DOK5: variants seen among roughly 807,000 people sequenced by gnomAD.
DOK5 encodes downstream of tyrosine kinase 5.
Under a neutral mutation model 43.3 loss-of-function variants are expected in DOK5, and 27 were observed. The ratio of observed to expected loss-of-function variants is 0.62; its 90% CI spans 0.46 to 0.86. The LOEUF (loss-of-function observed/expected upper bound fraction) is 0.86. DOK5 is among the 40% of genes least tolerant of loss of function. The pLI is 0.00. For synonymous variants in DOK5, 146 were observed against 140.1 expected (o/e 1.04, Z -0.30); for missense variants, 373 against 392.9 (o/e 0.95, Z 0.43).
rs572696729 is a variant in DOK5, at chr20:54,572,451, C to T, written c.175-16032C>T. The stretch of plus-strand genomic sequence containing the variant: ...TGCTGGGATTACAGGCGTGAGCCAC[C>T]GCATCCGGCCGCAACATTCTTATAT... On this transcript the variant is annotated intron_variant, in intron 2 of 7. Coordinates refer to ENST00000262593, the MANE Select transcript of DOK5 (RefSeq NM_018431.5). Among the ~76,000 whole-genome samples the T allele has an allele frequency of 7.9e-5, 12 of 152,166 alleles. No homozygotes were observed. In the East Asian group the frequency reaches 9.7e-4, roughly 12 times the overall value.
At chr20:54,632,120 C>T (rs561773703) in intron 6 of DOK5, among the ~76,000 whole-genome samples, 1 of 152,260 alleles carries the variant, frequency 6.6e-6, no homozygotes, top group South Asian at 2.1e-4. Context: ...CTGCAGGGGT[C>T]GTGGCTGAAT....
chr20:54,566,387 T>C (rs1034481553), intron 2 of DOK5, among the ~76,000 whole-genome samples: 2 of 151,978 alleles, frequency 1.3e-5, no homozygotes, highest in East Asian at 1.9e-4. Context: ...TTCAAGTTCA[T>C]GTTGAATGAA....
chr20:54,574,876 T>C (rs1439492085), intron 2 of DOK5, among the ~76,000 whole-genome samples: 2 of 152,184 alleles, frequency 1.3e-5, no homozygotes, highest in South Asian at 2.1e-4. Flanking sequence ...CTGGCTCTAA[T>C]GACAATTAGG....
Position 54,580,737 on chromosome 20 carries a change from G to A in DOK5, c.175-7746G>A, listed in dbSNP as rs188216087. Among the ~76,000 whole-genome samples, 156 of 152,024 alleles carry A rather than the reference G, an allele frequency of 1.0e-3. 3 individuals are homozygous for A. The highest frequency in any genetic ancestry group is 1.2e-3 in the East Asian group (6 of 5,182). On this transcript the variant is annotated intron_variant, in intron 2 of 7. Coordinates refer to ENST00000262593, the MANE Select transcript of DOK5 (RefSeq NM_018431.5). ...ATTTATTTTTACTTTTATTATTTTT[G>A]CTATTGAGTTATACGAATTTCTTAT...
At chr20:54,479,897 C>T (rs1191025942) in intron 1 of DOK5, among the ~76,000 whole-genome samples, 4 of 152,046 alleles carry the variant, frequency 2.6e-5, no homozygotes, top group African/African-American at 7.2e-5. Context: ...CCTCATCTCC[C>T]ACCCCTACAG....
intron 5 of DOK5, among the ~76,000 whole-genome samples, chr20:54,609,487 GT>G (rs1375236482): frequency 6.6e-6 from 1 of 151,196 alleles, no homozygotes; most frequent in Admixed American, 6.6e-5. Context: ...TCTTAGTGTA[GT>G]TTTATATATA....
chr20:54,647,377 C>T (rs998820431), intron 7 of DOK5, among the ~76,000 whole-genome samples: 1 of 151,850 alleles, frequency 6.6e-6, no homozygotes, highest in Non-Finnish European at 1.5e-5. Flanking sequence ...TGGTGGCGGG[C>T]GCCTGTAATT....
At chr20:54,623,600 G>A (rs569519542) in intron 6 of DOK5, among the ~76,000 whole-genome samples, 41 of 152,088 alleles carry the variant, frequency 2.7e-4, no homozygotes, top group Non-Finnish European at 4.7e-4. Context: ...ATTTTTCTGA[G>A]ATGGAGTGTC....
At chr20:54,503,166 G>A (rs931939012) in intron 1 of DOK5, among the ~76,000 whole-genome samples, 2 of 152,036 alleles carry the variant, frequency 1.3e-5, no homozygotes, top group African/African-American at 2.4e-5. Context: ...TGGAAAGCAG[G>A]CTAATTAATA....
intron 1 of DOK5, among the ~76,000 whole-genome samples, chr20:54,510,836 G>A (rs572128833): frequency 3.9e-5 from 6 of 152,084 alleles, no homozygotes; most frequent in East Asian, 1.9e-4. Flanking sequence ...TCACTCCTGC[G>A]CCTCTGGAGT....
chr20:54,617,865 C>A (rs574110986), intron 6 of DOK5, among the ~76,000 whole-genome samples: 1 of 152,352 alleles, frequency 6.6e-6, no homozygotes, highest in Non-Finnish European at 1.5e-5. Context: ...ATATGCCCAA[C>A]TCTTTAGTAA....
At chr20:54,486,688 T>C (rs1352667434) in intron 1 of DOK5, among the ~76,000 whole-genome samples, 1 of 152,174 alleles carries the variant, frequency 6.6e-6, no homozygotes, top group Non-Finnish European at 1.5e-5. Flanking sequence ...ATTGGCTCTG[T>C]AGCCTTAGGG....
At chr20:54,496,795 T>C (rs6091895) in intron 1 of DOK5, among the ~76,000 whole-genome samples, 5,722 of 127,780 alleles carry the variant, frequency 0.045, 348 homozygotes, top group African/African-American at 0.15. Context: ...AAGAAAAAAA[T>C]GAACCAGCAT....
intron 2 of DOK5, among the ~76,000 whole-genome samples, chr20:54,576,103 A>T (rs1251997340): frequency 3.9e-5 from 6 of 152,210 alleles, no homozygotes; most frequent in Admixed American, 2.0e-4. Flanking sequence ...AGAATAAAAG[A>T]GGACTGAAAA....
chr20:54,553,440 C>T (rs548170559), intron 1 of DOK5, among the ~76,000 whole-genome samples: 2 of 151,826 alleles, frequency 1.3e-5, no homozygotes, highest in South Asian at 2.1e-4. Flanking sequence ...TGTGATCCGC[C>T]GGCCTCGGCC....
At position 54,475,706 on chromosome 20, in the gene DOK5, G is replaced by T; in HGVS notation, c.-241G>T. ...CAGCTGACGCCGGCGCTCCAGCCTC[G>T]CCTCCCCGCGCCGCGCTCTGCGCTC... is the stretch of plus-strand genomic sequence containing the variant. On this transcript the variant is annotated 5_prime_UTR_variant, in exon 1 of 8. Coordinates refer to ENST00000262593, the MANE Select transcript of DOK5 (RefSeq NM_018431.5). The surrounding 1 kb of genome is among the most constrained non-coding windows in gnomAD (Gnocchi z 4.2). The T allele has an allele frequency of 3.5e-6, 2 of 568,448 alleles. No homozygotes were observed. The highest frequency in any genetic ancestry group is 3.1e-6 in the Non-Finnish European group (1 of 325,990). The allele number at this position is 568,448 out of a possible 1,614,324, so 35.2% of individuals were successfully genotyped here. A position where few individuals can be genotyped will look rare whatever the true frequency, so the allele number is the denominator to read the frequency against.
chr20:54,604,917 T>G (rs764666818), intron 5 of DOK5, among the ~76,000 whole-genome samples: 5 of 151,762 alleles, frequency 3.3e-5, no homozygotes, highest in African/African-American at 4.8e-5. Flanking sequence ...AGAGAATTGC[T>G]TGAACCTGGA....
chr20:54,556,429 A>G (rs1369422175), intron 2 of DOK5, among the ~76,000 whole-genome samples: 1 of 152,238 alleles, frequency 6.6e-6, no homozygotes, highest in Non-Finnish European at 1.5e-5. Flanking sequence ...GAAGCCAGTG[A>G]TAGCATAACT....
intron 1 of DOK5, among the ~76,000 whole-genome samples, chr20:54,478,628 G>A (rs557344333): frequency 1.1e-4 from 17 of 152,306 alleles, no homozygotes; most frequent in African/African-American, 4.1e-4. Context: ...AGCTGTTCCT[G>A]GTGCCAAGGA....
Sources: allele counts gnomAD v4.1 joint callset (sites outside exome capture counted in the v4.1 genomes callset), GRCh38; gene constraint gnomAD v4.1.1; non-coding constraint Gnocchi (gnomAD v3.1); transcripts MANE v1.5; gene names NCBI Gene and HGNC (gene_info 2026-07-23, HGNC 2026-07-21).